Variants in KLHL40 observed in about 807,000 individuals in gnomAD.
KLHL40 encodes kelch like family member 40, also known as kelch-like protein 40.
In KLHL40, 44 loss-of-function variants were observed where a neutral mutation model predicts 49.7. That is an observed-to-expected ratio of 0.89 (90% CI 0.70 to 1.14). The LOEUF is 1.14. KLHL40 is among the 50% of genes most tolerant of loss of function. KLHL40 has a pLI of 0.00. For missense variants in KLHL40, 892 were observed against 850.3 expected (o/e 1.05, Z -0.61); for synonymous variants, 409 against 365.2 (o/e 1.12, Z -1.37).
At position 42,688,086 on chromosome 3, in the gene KLHL40, C is replaced by T; in HGVS notation, c.1153-56C>T. 6.2e-7 allele frequency: 1 copy of T among 1,608,342 alleles called. No individual in the cohort carries two copies. Among genetic ancestry groups the T allele is most frequent in the Non-Finnish European group, 8.5e-7 (1 of 1,176,806 alleles). Reference sequence around the variant, plus strand: ...TCTGGGGCAGTGGGACTGAGTGGGGCTGGGCTGAGGCTGGGGGAGTGGGGG... The same window carrying T: ...TCTGGGGCAGTGGGACTGAGTGGGGTTGGGCTGAGGCTGGGGGAGTGGGGG... On this transcript the variant is annotated intron_variant, in intron 1 of 5. Transcript: ENST00000287777. The surrounding 1 kb of genome is among the most constrained non-coding windows in gnomAD (Gnocchi z 4.2).
At chr3:42,690,539 C>T (rs1015265474) in intron 4 of KLHL40, among the ~76,000 whole-genome samples, 1 of 152,016 alleles carries the variant, frequency 6.6e-6, no homozygotes, top group Non-Finnish European at 1.5e-5. Flanking sequence ...AGGCTGGGGG[C>T]CTGCTAGGGG....
At position 42,687,996 on chromosome 3, in the gene KLHL40, G is replaced by A. The variant is rs972260178; in HGVS notation, c.1153-146G>A. ...TGCTCTCAGCCTGATGGTAGGAGGG[G>A]CACTGTTTCTCAGGGCACCTCCAGG... On this transcript the variant is annotated intron_variant, in intron 1 of 5. Transcript: ENST00000287777. 1.8e-5 allele frequency: 15 copies of A among 853,530 alleles called. No homozygotes were observed. In the Admixed American group the frequency reaches 2.9e-4, roughly 16 times the overall value. The allele number at this position is 853,530 out of a possible 1,614,324, so 52.9% of individuals were successfully genotyped here.
At position 42,688,159 on chromosome 3, in the gene KLHL40, A is replaced by G. The variant is rs1051707633; in HGVS notation, c.1170A>G (p.Ser390=). Residue 390 remains serine (S), a synonymous_variant, in exon 2 of 6, where the codon TCA becomes TCG. Coordinates refer to ENST00000287777, the MANE Select transcript of KLHL40 (RefSeq NM_152393.4). This position sits in a 1 kb window ranked among gnomAD's most constrained non-coding sequence, Gnocchi z 4.2. ...GCCTGCAGTTTGACCATCTGGACTC[A>G]GAGTGGCTGGGGATGCCACCGCTGC... ...AYFLQFDHLD[S]EWLGMPPLPS... The G allele has an allele frequency of 6.2e-7, 1 of 1,614,002 alleles. No individual in the cohort carries two copies. The highest frequency in any genetic ancestry group is 1.3e-5 in the African/African-American group (1 of 75,024).
In KLHL40 at chr3:42,688,278, A is replaced by C; in HGVS notation, c.1289A>C (p.Asp430Ala). ...ATCAAGGACGGCGAGCGCTGCCTGG[A>C]CTCGGTCATGTGCTACGACAGGCTG... ...REIKDGERCLDSVMCYDRLSF... is the reference protein window; with the variant it reads ...REIKDGERCLASVMCYDRLSF... Residue 430 changes from aspartate (D) to alanine (A), a missense_variant, in exon 2 of 6, where the codon GAC (aspartate) becomes GCC (alanine). Coordinates refer to ENST00000287777, the MANE Select transcript of KLHL40 (RefSeq NM_152393.4). This position sits in a 1 kb window ranked among gnomAD's most constrained non-coding sequence, Gnocchi z 4.2. 1.2e-6 allele frequency: 2 copies of C among 1,612,620 alleles called. No homozygotes were observed. Among genetic ancestry groups the C allele is most frequent in the Non-Finnish European group, 1.7e-6 (2 of 1,179,776 alleles).
intron 4 of KLHL40, 140 bp from the exon 5 acceptor site, chr3:42,690,719 A>G: frequency 1.3e-6 from 1 of 764,598 alleles, no homozygotes; most frequent in African/African-American, 1.8e-5. Flanking sequence ...GGGACAGGGA[A>G]GGGGAATGGG....
At chr3:42,689,147 C>T in intron 4 of KLHL40, 93 bp downstream of exon 4, 1 of 1,106,380 alleles carries the variant, frequency 9.0e-7, no homozygotes, top group Non-Finnish European at 1.3e-6. Flanking sequence ...CTTGGGTCTC[C>T]AGTGTTGACT....
chr3:42,685,766 G>A lies in KLHL40; in HGVS notation c.148G>A (p.Val50Met), dbSNP rs1004240706. The part of the protein sequence containing the change: ...GEREFPCHRL[V>M]LAACSPYFRA... ...GCGCGAGTTCCCGTGCCATCGCCTG[G>A]TGCTGGCCGCCTGCAGCCCCTACTT... Residue 50 changes from valine to methionine, a missense_variant, in exon 1 of 6, where the codon GTG becomes ATG. Physicochemically the swap from Val to Met is conservative, Grantham distance 21 (BLOSUM62 1). Transcript: ENST00000287777. 13 of 1,612,340 alleles carry A rather than the reference G, an allele frequency of 8.1e-6. No homozygotes were observed. The highest frequency in any genetic ancestry group is 1.7e-5 in the Admixed American group (1 of 59,956).
Position 42,686,490 on chromosome 3 carries a change from A to C in KLHL40, c.872A>C (p.Lys291Thr), listed in dbSNP as rs74843241. Reference protein sequence around the residue: ...KEADKGTSKAKAEEDEEAERI... With the variant: ...KEADKGTSKATAEEDEEAERI... ...GCTGATAAGGGCACAAGCAAAGCCA[A>C]AGCAGAGGAGGATGAGGAGGCCGAA... The change falls in exon 1 of 6, where the codon AAA becomes ACA. Residue 291 changes from lysine to threonine, a missense_variant. By Grantham distance (78) the Lys-to-Thr change is moderately conservative (BLOSUM62 -1). Coordinates refer to ENST00000287777, the MANE Select transcript of KLHL40 (RefSeq NM_152393.4). The C allele has an allele frequency of 2.0e-3, 3,173 of 1,614,126 alleles. 78 individuals are homozygous for C. The East Asian group carries it at 0.047, about 24-fold the overall frequency.
intron 4 of KLHL40, among the ~76,000 whole-genome samples, chr3:42,689,292 C>G (rs1185444354): frequency 6.6e-6 from 1 of 152,092 alleles, no homozygotes; most frequent in Non-Finnish European, 1.5e-5. Context: ...GTTCCTCATT[C>G]AGGGACTCAT....
chr3:42,687,963 C>A (rs372772672), intron 1 of KLHL40, among the ~76,000 whole-genome samples, 179 bp from the exon 2 acceptor site: 11 of 152,042 alleles, frequency 7.2e-5, no homozygotes, highest in African/African-American at 1.9e-4. Flanking sequence ...GTGTGGGGGA[C>A]GCTCATCTGC....
chr3:42,689,300 C>G (rs1050711381), intron 4 of KLHL40, among the ~76,000 whole-genome samples: 1 of 152,128 alleles, frequency 6.6e-6, no homozygotes, highest in Non-Finnish European at 1.5e-5. Flanking sequence ...TTCAGGGACT[C>G]ATACCAGGCA....
At position 42,686,218 on chromosome 3, in the gene KLHL40, G is replaced by T; in HGVS notation, c.600G>T (p.Arg200=). ...KEEAVFEAVM[R]WAGSGDAEAQ... ...AGGCAGTGTTCGAGGCGGTGATGCG[G>T]TGGGCGGGTAGCGGCGACGCCGAGG... Residue 200 remains arginine (R), a synonymous_variant, in exon 1 of 6, where the codon CGG becomes CGT. Coordinates refer to ENST00000287777, the MANE Select transcript of KLHL40 (RefSeq NM_152393.4). 6.4e-7 allele frequency: 1 copy of T among 1,562,288 alleles called. No individual in the cohort carries two copies. Among genetic ancestry groups the T allele is most frequent in the African/African-American group, 1.4e-5 (1 of 74,038 alleles).
Position 42,685,962 on chromosome 3 carries a change from C to A in KLHL40, c.344C>A (p.Ser115Tyr). The A allele has an allele frequency of 6.2e-7, 1 of 1,611,856 alleles. No individual in the cohort carries two copies. The highest frequency in any genetic ancestry group is 8.5e-7 in the Non-Finnish European group (1 of 1,179,978). ...GCGGCACACCGCTTCCAGATCCCTTCCATCTTCACCATCTGCGTGTCCTTC... is the reference window on the plus strand; with the variant it reads ...GCGGCACACCGCTTCCAGATCCCTTACATCTTCACCATCTGCGTGTCCTTC... ...FAAAHRFQIP[S>Y]IFTICVSFLQ... Residue 115 changes from serine (S) to tyrosine (Y), a missense_variant, in exon 1 of 6, where the codon TCC becomes TAC. Ser to Tyr is a moderately radical substitution (Grantham distance 144). Coordinates refer to ENST00000287777, the MANE Select transcript of KLHL40 (RefSeq NM_152393.4).
At position 42,686,051 on chromosome 3, in the gene KLHL40, T is replaced by C. The variant is rs781200087; in HGVS notation, c.433T>C (p.Cys145Arg). The C allele has an allele frequency of 7.2e-5, 115 of 1,606,660 alleles. 1 individual carries two copies. The East Asian group carries it at 2.5e-3, about 35-fold the overall frequency. The part of the protein sequence containing the change: ...AVFRLGLLLD[C>R]ARLAVAARDF... ...CTTCCGTCTCGGCCTCCTGCTCGAC[T>C]GCGCGCGTCTCGCCGTGGCTGCCCG... Residue 145 changes from cysteine to arginine, a missense_variant, in exon 1 of 6, where the codon TGC (cysteine) becomes CGC (arginine). Cys to Arg is a radical substitution (Grantham distance 180). Transcript: ENST00000287777.
At chr3:42,687,883 G>A (rs1010906434) in intron 1 of KLHL40, among the ~76,000 whole-genome samples, 3 of 152,118 alleles carry the variant, frequency 2.0e-5, no homozygotes. Context: ...CCCTCACAGA[G>A]CTCCCCCTCA....
chr3:42,686,629 G>T lies in KLHL40; in HGVS notation c.1011G>T (p.Glu337Asp). 1.9e-6 allele frequency: 3 copies of T among 1,614,066 alleles called. No individual in the cohort carries two copies. Among genetic ancestry groups the T allele is most frequent in the Non-Finnish European group, 2.5e-6 (3 of 1,180,030 alleles). ...GAVAYDPAAN[E>D]CYCASLSNQV... Reference sequence around the variant, plus strand: ...TGGCCTACGATCCAGCAGCCAACGAGTGCTACTGTGCTTCCCTCTCCAACC... The same window carrying T: ...TGGCCTACGATCCAGCAGCCAACGATTGCTACTGTGCTTCCCTCTCCAACC... Residue 337 changes from glutamate to aspartate, a missense_variant, in exon 1 of 6, where the codon GAG (glutamate) becomes GAT (aspartate). Glu to Asp is a conservative substitution (Grantham distance 45). Transcript: ENST00000287777.
At position 42,688,080 on chromosome 3, in the gene KLHL40, G is replaced by T; in HGVS notation, c.1153-62G>T. On this transcript the variant is annotated intron_variant, in intron 1 of 5. Coordinates refer to ENST00000287777, the MANE Select transcript of KLHL40 (RefSeq NM_152393.4). The surrounding 1 kb of genome is among the most constrained non-coding windows in gnomAD (Gnocchi z 4.2). ...CCGTGATCTGGGGCAGTGGGACTGAGTGGGGCTGGGCTGAGGCTGGGGGAG... is the reference window on the plus strand; with the variant it reads ...CCGTGATCTGGGGCAGTGGGACTGATTGGGGCTGGGCTGAGGCTGGGGGAG... The T allele has an allele frequency of 1.2e-6, 2 of 1,606,810 alleles. No individual in the cohort carries two copies. Among genetic ancestry groups the T allele is most frequent in the South Asian group, 2.2e-5 (2 of 90,592 alleles).
rs746373391 is a variant in KLHL40, at chr3:42,686,140, C to G, written c.522C>G (p.Ala174=). The change falls in exon 1 of 6, where the codon GCC becomes GCG. Residue 174 remains alanine (A), a synonymous_variant. Transcript: ENST00000287777. ...ACGCTGACTTCCTCGGACTCTCGGC[C>G]GACGAGCTCATCGCCATCATCTCCA... is the stretch of plus-strand genomic sequence containing the variant. ...ARDADFLGLS[A]DELIAIISSD... The G allele has an allele frequency of 4.4e-6, 7 of 1,597,180 alleles. No individual in the cohort carries two copies. The highest frequency in any genetic ancestry group is 4.2e-6 in the Non-Finnish European group (5 of 1,177,258).
Position 42,685,546 on chromosome 3 carries a change from A to C in KLHL40, c.-73A>C. 1 of 1,455,196 alleles carries C rather than the reference A, an allele frequency of 6.9e-7. No individual in the cohort carries two copies. Among genetic ancestry groups the C allele is most frequent in the Non-Finnish European group, 9.2e-7 (1 of 1,084,328 alleles). 90.1% of individuals were successfully genotyped at this position (1,455,196 alleles called of 1,614,324 possible). A position where few individuals can be genotyped will look rare whatever the true frequency, so the allele number is the denominator to read the frequency against. On this transcript the variant is annotated 5_prime_UTR_variant, in exon 1 of 6. Coordinates refer to ENST00000287777, the MANE Select transcript of KLHL40 (RefSeq NM_152393.4). ...TCGAAGACAGCTGCTCAGTCTAAGC[A>C]AACCCCAGCAGGAAAGCAGGGGTAC...
Sources: gnomAD v4.1 joint callset for allele counts (sites outside exome capture counted in the v4.1 genomes callset) on GRCh38, gnomAD v4.1.1 for gene constraint, Gnocchi (gnomAD v3.1) non-coding constraint, MANE v1.5 for transcripts, NCBI Gene and HGNC (gene_info 2026-07-23, HGNC 2026-07-21) for gene names.